The following USF3 variants were observed in gnomAD, a reference collection of about 807,000 sequenced individuals.
The protein encoded by USF3 is basic helix-loop-helix domain-containing protein USF3.
Under a neutral mutation model 157.5 loss-of-function variants are expected in USF3, and 29 were observed. The observed-to-expected ratio is 0.18, with a 90% CI of 0.14 to 0.25. The LOEUF is 0.25. USF3 is among the 10% of genes least tolerant of loss of function. The probability of loss-of-function intolerance (pLI) is 1.00; values close to 1 mark genes in which losing one functional copy is unlikely to be tolerated. For synonymous variants in USF3, 893 were observed against 941.4 expected, an observed-to-expected ratio of 0.95 and a Z score of 0.94; for missense variants, 2,381 against 2,667.6, an observed-to-expected ratio of 0.89 and a Z score of 2.37.
intron 4 of USF3, among the ~76,000 whole-genome samples, chr3:113,672,346 A>G (rs1707177868): frequency 6.6e-6 from 1 of 151,706 alleles, no homozygotes; most frequent in Admixed American, 6.6e-5. Context: ...GGCTGGTCTC[A>G]AACTCCTGAC....
chr3:113,678,167 T>C (rs890520699), intron 1 of USF3, among the ~76,000 whole-genome samples: 2 of 152,234 alleles, frequency 1.3e-5, no homozygotes, highest in Admixed American at 6.5e-5. Context: ...GTGATTCTGA[T>C]AGGAAAAAGC....
chr3:113,686,747 C>T (rs189458253), intron 1 of USF3, among the ~76,000 whole-genome samples: 1 of 152,194 alleles, frequency 6.6e-6, no homozygotes, highest in African/African-American at 2.4e-5. Flanking sequence ...CACAGTAATT[C>T]TTACTTTCCT....
Position 113,659,908 on chromosome 3 carries a change from G to C in USF3, c.1774C>G (p.Pro592Ala). Residue 592 changes from proline (P) to alanine (A), a missense_variant, in exon 7 of 7, where the codon CCA becomes GCA. Transcript: ENST00000316407. ...IIQAANQNPL[P>A]LLPAPPPGSV... ...CCAGGAGGTGGAGCAGGGAGGAGTG[G>C]CAAAGGATTCTGATTAGCAGCCTGT... is the stretch of plus-strand genomic sequence containing the variant. 6.2e-7 allele frequency: 1 copy of C among 1,614,162 alleles called. No individual in the cohort carries two copies. Among genetic ancestry groups the C allele is most frequent in the Non-Finnish European group, 8.5e-7 (1 of 1,180,010 alleles).
rs146406442 is a variant in USF3 at position 113,676,428 on chromosome 3, G to A, written c.-19+854C>T. Among the ~76,000 whole-genome samples, 14 of 152,272 alleles carry A rather than the reference G, an allele frequency of 9.2e-5. No homozygotes were observed. The East Asian group carries it at 1.7e-3, about 19-fold the overall frequency. ...GGGAAGCAAACATATCCTTTACATG[G>A]CGGCAGGAAGGAGAAGTGGTGAGCA... On this transcript the variant is annotated intron_variant, in intron 2 of 6. Coordinates refer to ENST00000316407, the MANE Select transcript of USF3 (RefSeq NM_001009899.4).
Position 113,649,878 on chromosome 3 carries a change from G to A in USF3, c.*5066C>T. Reference sequence around the variant, plus strand: ...ACGCATGAAGAATAGAATGCAGACAGAATATAGTTAAATCCAAAAAAGGCC... The same window carrying A: ...ACGCATGAAGAATAGAATGCAGACAAAATATAGTTAAATCCAAAAAAGGCC... On this transcript the variant is annotated 3_prime_UTR_variant, in exon 7 of 7. Transcript: ENST00000316407. 1 of 702,080 alleles carries A rather than the reference G, an allele frequency of 1.4e-6. No individual in the cohort carries two copies. Among genetic ancestry groups the A allele is most frequent in the Non-Finnish European group, 2.6e-6 (1 of 384,600 alleles). The allele number at this position is 702,080 out of a possible 1,614,324, so 43.5% of individuals were successfully genotyped here.
Position 113,668,268 on chromosome 3 carries a change from A to T in USF3, c.159+1853T>A, listed in dbSNP as rs373816269. 2.0e-4 allele frequency among the ~76,000 whole-genome samples: 30 copies of T among 152,300 alleles called. No homozygotes were observed. The East Asian group carries it at 2.9e-3, about 15-fold the overall frequency. The stretch of plus-strand genomic sequence containing the variant: ...GGGATACTTGGCACAAAAGTGGACA[A>T]GACGAGGGTCCTAAGTGGAAACAGC... On this transcript the variant is annotated intron_variant, in intron 5 of 6. Coordinates refer to ENST00000316407, the MANE Select transcript of USF3 (RefSeq NM_001009899.4).
At position 113,650,508 on chromosome 3, in the gene USF3, A is replaced by G. The variant is rs1302479848; in HGVS notation, c.*4436T>C. On this transcript the variant is annotated 3_prime_UTR_variant, in exon 7 of 7. Coordinates refer to ENST00000316407, the MANE Select transcript of USF3 (RefSeq NM_001009899.4). ...CTGAGCCCTATTTGACATGGAGCAG[A>G]TGGAAGAGCATAAGTGCCTACCTAT... The G allele has an allele frequency of 6.6e-6, 1 of 152,190 alleles. No individual in the cohort carries two copies. The highest frequency in any genetic ancestry group is 1.5e-5 in the Non-Finnish European group (1 of 68,038). The allele number at this position is 152,190 out of a possible 1,614,324, so 9.4% of individuals were successfully genotyped here.
chr3:113,649,894 A>G lies in USF3; in HGVS notation c.*5050T>C, dbSNP rs768876424. On this transcript the variant is annotated 3_prime_UTR_variant, in exon 7 of 7. Coordinates refer to ENST00000316407, the MANE Select transcript of USF3 (RefSeq NM_001009899.4). ...ATGCAGACAGAATATAGTTAAATCC[A>G]AAAAAGGCCCTTTTCTTTCAAACCC... 1 of 699,856 alleles carries G rather than the reference A, an allele frequency of 1.4e-6. No individual in the cohort carries two copies. The highest frequency in any genetic ancestry group is 1.5e-5 in the South Asian group (1 of 66,780). The allele number at this position is 699,856 out of a possible 1,614,324, so 43.4% of individuals were successfully genotyped here.
intron 4 of USF3, among the ~76,000 whole-genome samples, chr3:113,672,826 T>C (rs1316836573): frequency 6.6e-6 from 1 of 152,238 alleles, no homozygotes; most frequent in African/African-American, 2.4e-5. Flanking sequence ...GCACAATTAA[T>C]TTTATAGATG....
intron 1 of USF3, among the ~76,000 whole-genome samples, chr3:113,679,811 T>C (rs1707368660): frequency 1.3e-5 from 2 of 152,184 alleles, no homozygotes; most frequent in Admixed American, 6.5e-5. Flanking sequence ...TTCATATAAA[T>C]GTATTGATTG....
At position 113,673,890 on chromosome 3, in the gene USF3, T is replaced by C. The variant is rs113674039; in HGVS notation, c.48-514A>G. Among the ~76,000 whole-genome samples, 731 of 152,350 alleles carry C rather than the reference T, an allele frequency of 4.8e-3. 3 individuals are homozygous for C. The highest frequency in any genetic ancestry group is 0.014 in the Middle Eastern group (4 of 294). On this transcript the variant is annotated intron_variant, in intron 3 of 6. Coordinates refer to ENST00000316407, the MANE Select transcript of USF3 (RefSeq NM_001009899.4). ...GCATCTGAGCTATCTTGTATTTGTG[T>C]ACCTCAGGTTGTCCAAACTCTTAAA...
intron 4 of USF3, among the ~76,000 whole-genome samples, chr3:113,671,786 T>TTTG (rs1707158323): frequency 1.7e-5 from 2 of 116,252 alleles, no homozygotes; most frequent in South Asian, 2.5e-4. Flanking sequence ...TTTTTTTTTT[T>TTTG]GAGACAAGGT....
chr3:113,653,245 T>G lies in USF3; in HGVS notation c.*1699A>C, dbSNP rs1947295851. On this transcript the variant is annotated 3_prime_UTR_variant, in exon 7 of 7. Transcript: ENST00000316407. ...TATGCCATTGTTTTCTTAGTTTTTT[T>G]TTTAAGTTTTCAAATTTTAATATGG... 1 of 153,434 alleles carries G rather than the reference T, an allele frequency of 6.5e-6. No individual in the cohort carries two copies. Among genetic ancestry groups the G allele is most frequent in the East Asian group, 1.9e-4 (1 of 5,292 alleles). The allele number at this position is 153,434 out of a possible 1,614,324, so 9.5% of individuals were successfully genotyped here.
intron 1 of USF3, among the ~76,000 whole-genome samples, chr3:113,688,640 G>A (rs1346223904): frequency 6.6e-6 from 1 of 152,176 alleles, no homozygotes. Context: ...GCACATAGTG[G>A]GTAATCAACA....
At chr3:113,689,832 T>A (rs989819471) in intron 1 of USF3, among the ~76,000 whole-genome samples, 2 of 152,214 alleles carry the variant, frequency 1.3e-5, no homozygotes, top group Non-Finnish European at 2.9e-5. Context: ...AAATTCTCTC[T>A]CCTAGGTTAT....
rs1266464109 is a variant in USF3 at position 113,652,108 on chromosome 3, A to AGAGAGAGAGAGT, written c.*2835_*2836insACTCTCTCTCTC. ...TGGAGAGAGAGAGAGAGAGAGAGAG[A>AGAGAGAGAGAGT]GTGTGTGTGTGTGTGTGTGTGTGTG... is the stretch of plus-strand genomic sequence containing the variant. On this transcript the variant is annotated 3_prime_UTR_variant, in exon 7 of 7. Transcript: ENST00000316407. The AGAGAGAGAGAGT allele has an allele frequency of 1.4e-5, 2 of 141,978 alleles. No homozygotes were observed. The highest frequency in any genetic ancestry group is 5.2e-5 in the African/African-American group (2 of 38,276). 8.8% of individuals were successfully genotyped at this position (141,978 alleles called of 1,614,324 possible). A position where few individuals can be genotyped will look rare whatever the true frequency, so the allele number is the denominator to read the frequency against.
chr3:113,658,594 C>T lies in USF3; in HGVS notation c.3088G>A (p.Asp1030Asn). The change falls in exon 7 of 7, where the codon GAC (aspartate) becomes AAC (asparagine). Residue 1030 changes from aspartate (D) to asparagine (N), a missense_variant. Coordinates refer to ENST00000316407, the MANE Select transcript of USF3 (RefSeq NM_001009899.4). ...SSLSDQMDHPDFSSENPKIVD... is the reference protein window; with the variant it reads ...SSLSDQMDHPNFSSENPKIVD... Reference sequence around the variant, plus strand: ...ATTTTAGGATTTTCTGAAGAAAAGTCAGGATGATCCATCTGATCAGAAAGA... The same window carrying T: ...ATTTTAGGATTTTCTGAAGAAAAGTTAGGATGATCCATCTGATCAGAAAGA... 6.2e-7 allele frequency: 1 copy of T among 1,613,028 alleles called. No homozygotes were observed. Among genetic ancestry groups the T allele is most frequent in the South Asian group, 1.1e-5 (1 of 90,974 alleles).
intron 1 of USF3, among the ~76,000 whole-genome samples, chr3:113,691,489 T>C (rs1322311539): frequency 6.6e-6 from 1 of 152,214 alleles, no homozygotes; most frequent in Non-Finnish European, 1.5e-5. Flanking sequence ...GACAATAATA[T>C]CCTGCCTTTC....
rs527515104 is a variant in USF3 at position 113,680,798 on chromosome 3, CA to C, written c.-134-3402del. On this transcript the variant is annotated intron_variant, in intron 1 of 6. Coordinates refer to ENST00000316407, the MANE Select transcript of USF3 (RefSeq NM_001009899.4). ...GAGTGACAGAATGAGATACTGTCTC[CA>C]AAAAAAAAAAAAAAAGTTTTGTTTC... 8.3e-3 allele frequency among the ~76,000 whole-genome samples: 938 copies of C among 113,440 alleles called. 7 individuals carry two copies. The highest frequency in any genetic ancestry group is 0.042 in the Middle Eastern group (9 of 214). The allele number at this position is 113,440 out of a possible 152,430, so 74.4% of individuals were successfully genotyped here.
Sources: gnomAD v4.1 joint callset for allele counts (sites outside exome capture counted in the v4.1 genomes callset) on GRCh38, gnomAD v4.1.1 for gene constraint, MANE v1.5 for transcripts, NCBI Gene and HGNC (gene_info 2026-07-23, HGNC 2026-07-21) for gene names.